The following C4orf50 variants were observed in gnomAD, a reference collection of about 807,000 sequenced individuals.
The protein encoded by C4orf50 is chromosome 4 open reading frame 50.
A neutral mutation model predicts 77.2 loss-of-function variants in C4orf50; 80 were observed. The observed-to-expected ratio is 1.04, with a 90% CI of 0.87 to 1.25. The LOEUF (loss-of-function observed/expected upper bound fraction) is 1.25. C4orf50 is among the 50% of genes most tolerant of loss of function. The probability of loss-of-function intolerance (pLI) is 0.00; values close to 1 mark genes in which losing one functional copy is unlikely to be tolerated. For synonymous variants in C4orf50, 532 were observed against 465.3 expected (o/e 1.14, Z -1.84); for missense variants, 1,257 against 1,152.9 (o/e 1.09, Z -1.31).
At chr4:6,003,899 T>G (rs111216117) in intron 25 of C4orf50, among the ~76,000 whole-genome samples, 40 of 514 alleles carry the variant, frequency 0.078, no homozygotes, top group East Asian at 0.17. Flanking sequence ...GGTGATGATG[T>G]GATGGTGATG....
intron 29 of C4orf50, among the ~76,000 whole-genome samples, chr4:5,976,817 A>G (rs929536210): frequency 6.6e-5 from 10 of 152,260 alleles, no homozygotes; most frequent in African/African-American, 2.4e-4. Context: ...TATTAGGCGC[A>G]GATGAAAGCT....
intron 7 of C4orf50, among the ~76,000 whole-genome samples, chr4:5,950,490 CA>C (rs145394142): frequency 0.038 from 5,803 of 152,210 alleles, 316 homozygotes; most frequent in African/African-American, 0.12. Context: ...GTACTTTTGT[CA>C]AGGTTCGAAA....
intron 7 of C4orf50, among the ~76,000 whole-genome samples, chr4:5,950,726 G>T (rs12509118): frequency 3.3e-5 from 5 of 151,950 alleles, no homozygotes; most frequent in African/African-American, 1.2e-4. Flanking sequence ...CTTCCCTCAC[G>T]ACATCGATCA....
At chr4:5,936,444 C>A (rs1718016920) in intron 7 of C4orf50, among the ~76,000 whole-genome samples, 1 of 151,334 alleles carries the variant, frequency 6.6e-6, no homozygotes, top group Non-Finnish European at 1.5e-5. Context: ...CGCCTCTAAT[C>A]CCAGCTACTC....
At chr4:5,975,313 G>A (rs927797317) in intron 30 of C4orf50, among the ~76,000 whole-genome samples, 3 of 152,110 alleles carry the variant, frequency 2.0e-5, no homozygotes, top group Admixed American at 6.5e-5. Flanking sequence ...CATGAAAAGT[G>A]CAGCCTCAAA....
chr4:6,004,384 G>T (rs367865856), intron 25 of C4orf50, among the ~76,000 whole-genome samples: 1 of 118,248 alleles, frequency 8.5e-6, no homozygotes, highest in African/African-American at 3.0e-5. Flanking sequence ...GGTGATGATG[G>T]TGATGGTGGT....
At chr4:5,979,855 A>C (rs1023567704) in intron 29 of C4orf50, among the ~76,000 whole-genome samples, 2 of 152,224 alleles carry the variant, frequency 1.3e-5, no homozygotes, top group African/African-American at 2.4e-5. Context: ...TTGCACCTGC[A>C]CCACTGTATC....
At chr4:5,960,336 G>A (rs1365267526) in intron 33 of C4orf50, among the ~76,000 whole-genome samples, 1 of 152,198 alleles carries the variant, frequency 6.6e-6, no homozygotes, top group Non-Finnish European at 1.5e-5. Context: ...TGCCTCACCA[G>A]GTAACATGTG....
chr4:5,993,847 TAAAAATAAATA>T (rs1156494440), intron 26 of C4orf50, among the ~76,000 whole-genome samples: 15 of 118,558 alleles, frequency 1.3e-4, no homozygotes, highest in African/African-American at 5.2e-4. Flanking sequence ...TAAAAATAAA[TAAAAATAAATA>T]AAAAAAAAAA....
chr4:5,945,627 G>C lies in C4orf50; in HGVS notation c.*2474+11274C>G, dbSNP rs189184271. The stretch of plus-strand genomic sequence containing the variant: ...GAGAGGAGGAAACAGAGGCCCCAAA[G>C]GGTGAGGCCTGCCCAAGGAGGTGCA... On this transcript the variant is annotated intron_variant, in intron 7 of 7. Coordinates refer to the C4orf50 transcript ENST00000324058. Among the ~76,000 whole-genome samples the C allele has an allele frequency of 6.3e-3, 960 of 152,286 alleles. 9 individuals are homozygous for C. Among genetic ancestry groups the C allele is most frequent in the South Asian group, 0.029 (142 of 4,822 alleles).
chr4:5,901,714 C>G lies in C4orf50; in HGVS notation c.*2475-3526G>C, dbSNP rs1577867031. The G allele has an allele frequency of 6.6e-6, 1 of 152,394 alleles. No homozygotes were observed. The highest frequency in any genetic ancestry group is 2.1e-4 in the South Asian group (1 of 4,834). The allele number at this position is 152,394 out of a possible 1,614,324, so 9.4% of individuals were successfully genotyped here. A position where few individuals can be genotyped will look rare whatever the true frequency, so the allele number is the denominator to read the frequency against. On this transcript the variant is annotated intron_variant, in intron 7 of 7. Coordinates refer to the C4orf50 transcript ENST00000324058. This position sits in a 1 kb window ranked among gnomAD's most constrained non-coding sequence, Gnocchi z 4.4. ...ATGGACTGTTCACCCCAGGAGTGCTCCATTGGCCTTGCCCAGGGACCCTGG... is the reference window on the plus strand; with the variant it reads ...ATGGACTGTTCACCCCAGGAGTGCTGCATTGGCCTTGCCCAGGGACCCTGG...
At position 6,011,864 on chromosome 4, in the gene C4orf50, TTCTCCTGGGCCTGGAGCCAGGCGCTTC is replaced by T. The variant is rs1010350873; in HGVS notation, c.365_391del (p.Arg122_Glu130del). The T allele has an allele frequency of 1.8e-5, 7 of 398,958 alleles. No individual in the cohort carries two copies. Among genetic ancestry groups the T allele is most frequent in the East Asian group, 3.6e-5 (1 of 28,080 alleles). 24.7% of individuals were successfully genotyped at this position (398,958 alleles called of 1,614,324 possible). A position where few individuals can be genotyped will look rare whatever the true frequency, so the allele number is the denominator to read the frequency against. ...CAGCTCCCCCTGCAGCGCCGCCAGC[TTCTCCTGGGCCTGGAGCCAGGCGCTTC>T]TCTCCTGGGCCACGTGGGTGCTCAG... On this transcript the variant is annotated inframe_deletion, in exon 24 of 34. Coordinates refer to ENST00000531445, the Ensembl canonical transcript of C4orf50. The surrounding 1 kb of genome is among the most constrained non-coding windows in gnomAD (Gnocchi z 4.2).
intron 7 of C4orf50, among the ~76,000 whole-genome samples, chr4:5,928,495 G>C (rs1717621686): frequency 6.6e-6 from 1 of 152,210 alleles, no homozygotes; most frequent in African/African-American, 2.4e-5. Context: ...CTGACCAAGT[G>C]CTTATGGAAA....
At chr4:6,004,045 ATGGTGATGATG>A (rs1722030281) in intron 25 of C4orf50, among the ~76,000 whole-genome samples, 2 of 99,326 alleles carry the variant, frequency 2.0e-5, no homozygotes, top group Non-Finnish European at 2.1e-5. Context: ...GATGATGGTG[ATGGTGATGATG>A]GTGATGATGG....
intron 25 of C4orf50, among the ~76,000 whole-genome samples, chr4:6,004,154 G>GAT (rs1722057403): frequency 1.4e-5 from 2 of 138,284 alleles, no homozygotes; most frequent in East Asian, 2.2e-4. Context: ...TGATGGTGAT[G>GAT]GTGATGATAG....
chr4:5,952,727 C>T (rs775668945), downstream of C4orf50, among the ~76,000 whole-genome samples: 9 of 152,184 alleles, frequency 5.9e-5, no homozygotes, highest in Non-Finnish European at 1.3e-4. This position sits in a 1 kb window ranked among gnomAD's most constrained non-coding sequence, Gnocchi z 4.4. Context: ...GATGTCTCTA[C>T]TTAGATCCTC....
intron 7 of C4orf50, among the ~76,000 whole-genome samples, chr4:5,914,766 G>T (rs937370635): frequency 1.3e-5 from 2 of 152,124 alleles, no homozygotes; most frequent in Non-Finnish European, 2.9e-5. Flanking sequence ...GATCTCACTT[G>T]GACATAATAA....
downstream of C4orf50, chr4:5,956,818 G>A (rs1718985089): frequency 6.6e-6 from 1 of 152,282 alleles, no homozygotes; most frequent in African/African-American, 2.4e-5. Flanking sequence ...CTGGTCTCCA[G>A]AGGCCTCAGG....
intron 7 of C4orf50, among the ~76,000 whole-genome samples, chr4:5,942,103 CT>C (rs1718293928): frequency 6.6e-6 from 1 of 152,152 alleles, no homozygotes; most frequent in Non-Finnish European, 1.5e-5. Flanking sequence ...CCTAAGGAAG[CT>C]TTAGGGAGAG....
Sources: gnomAD v4.1 joint callset for allele counts (sites outside exome capture counted in the v4.1 genomes callset) on GRCh38, gnomAD v4.1.1 for gene constraint, Gnocchi (gnomAD v3.1) non-coding constraint, MANE v1.5 for transcripts, NCBI Gene and HGNC (gene_info 2026-07-23, HGNC 2026-07-21) for gene names.